The following DSC3 variants were observed in gnomAD, a reference collection of about 807,000 sequenced individuals.
DSC3 encodes the protein desmocollin 3, also known as desmocollin-3.
Under a neutral mutation model 89.5 loss-of-function variants are expected in DSC3, and 97 were observed. The ratio of observed to expected loss-of-function variants is 1.08; its 90% CI spans 0.92 to 1.28. The LOEUF is 1.28. Among genes scored for constraint, DSC3 ranks in the 50% most tolerant of loss-of-function variants. The pLI is 0.00. For missense variants in DSC3, 1,199 were observed against 1,085.3 expected (o/e 1.10, Z -1.47); for synonymous variants, 436 against 384.1 (o/e 1.14, Z -1.58).
At chr18:31,006,498 C>T (rs577911351) in intron 12 of DSC3, among the ~76,000 whole-genome samples, 186 of 152,120 alleles carry the variant, frequency 1.2e-3, no homozygotes, top group African/African-American at 4.2e-3. Flanking sequence ...TGGGGTTTCA[C>T]CATGTTGGCC....
At chr18:31,016,975 G>T (rs927440694) in intron 9 of DSC3, among the ~76,000 whole-genome samples, 1 of 152,074 alleles carries the variant, frequency 6.6e-6, no homozygotes, top group Non-Finnish European at 1.5e-5. Flanking sequence ...TCTTTGTCTT[G>T]CATTCTACTT....
In DSC3 at chr18:30,992,663, C is replaced by T. The variant is rs1490848185; in HGVS notation, c.*1512G>A. ...TGACTGTACAAATAACCTACTTGGG[C>T]TGCTTTCTCCCAAAGTTCCCTCTGT... is the stretch of plus-strand genomic sequence containing the variant. On this transcript the variant is annotated 3_prime_UTR_variant, in exon 16 of 16. Transcript: ENST00000360428. 1 of 152,302 alleles carries T rather than the reference C, an allele frequency of 6.6e-6. No homozygotes were observed. Among genetic ancestry groups the T allele is most frequent in the Non-Finnish European group, 1.5e-5 (1 of 68,072 alleles). 9.4% of individuals were successfully genotyped at this position (152,302 alleles called of 1,614,324 possible). A position where few individuals can be genotyped will look rare whatever the true frequency, so the allele number is the denominator to read the frequency against.
chr18:31,017,066 T>A (rs1985259982), intron 9 of DSC3, among the ~76,000 whole-genome samples: 1 of 152,218 alleles, frequency 6.6e-6, no homozygotes. Context: ...TTATTTCCTT[T>A]CCTATTACTC....
chr18:30,997,622 G>A (rs1984521021), intron 14 of DSC3, among the ~76,000 whole-genome samples: 1 of 151,992 alleles, frequency 6.6e-6, no homozygotes, highest in African/African-American at 2.4e-5. Context: ...AAAGCCTAGG[G>A]ATATAAAGAT....
intron 1 of DSC3, among the ~76,000 whole-genome samples, chr18:31,038,458 G>A (rs1020259699): frequency 6.6e-6 from 1 of 152,028 alleles, no homozygotes; most frequent in Non-Finnish European, 1.5e-5. Flanking sequence ...TGTCTGTTTT[G>A]TCTGTATTTT....
At chr18:31,005,818 C>A (rs66811121) in intron 12 of DSC3, among the ~76,000 whole-genome samples, 18,951 of 152,074 alleles carry the variant, frequency 0.12, 1,412 homozygotes, top group African/African-American at 0.21. Context: ...GGTCATGGTG[C>A]CACTCCTTCC....
intron 14 of DSC3, among the ~76,000 whole-genome samples, chr18:30,998,161 A>T (rs1429750405): frequency 6.6e-6 from 1 of 152,194 alleles, no homozygotes; most frequent in Non-Finnish European, 1.5e-5. Context: ...TGGAGATCAG[A>T]TGGGGGTCAC....
intron 9 of DSC3, among the ~76,000 whole-genome samples, chr18:31,012,256 T>C (rs1323789836): frequency 6.6e-6 from 1 of 151,984 alleles, no homozygotes; most frequent in Non-Finnish European, 1.5e-5. Context: ...AAAATATAAT[T>C]TAAAAAGTAA....
intron 4 of DSC3, among the ~76,000 whole-genome samples, chr18:31,028,544 C>T (rs1315455571): frequency 6.6e-6 from 1 of 151,954 alleles, no homozygotes; most frequent in African/African-American, 2.4e-5. Flanking sequence ...GGAGAATAAA[C>T]AAATGTCTAG....
chr18:31,023,054 T>A (rs1985477062), intron 6 of DSC3, among the ~76,000 whole-genome samples: 2 of 152,170 alleles, frequency 1.3e-5, no homozygotes, highest in Admixed American at 6.5e-5. Flanking sequence ...AACCTACTGA[T>A]AAAATGTGCT....
At chr18:31,012,707 GA>G (rs980865240) in intron 9 of DSC3, among the ~76,000 whole-genome samples, 7 of 151,884 alleles carry the variant, frequency 4.6e-5, no homozygotes, top group East Asian at 3.9e-4. Flanking sequence ...TTCAGAGATG[GA>G]AAAAAAGAAG....
intron 9 of DSC3, among the ~76,000 whole-genome samples, chr18:31,011,810 C>T (rs1179320937): frequency 3.3e-5 from 5 of 151,462 alleles, no homozygotes; most frequent in Admixed American, 6.6e-5. Context: ...CTGGGCAACA[C>T]GGTGAAACCC....
At chr18:31,012,993 A>G (rs181228080) in intron 9 of DSC3, among the ~76,000 whole-genome samples, 1 of 152,306 alleles carries the variant, frequency 6.6e-6, no homozygotes, top group Admixed American at 6.5e-5. Context: ...TTGAAAGTTC[A>G]CATGGAAGAA....
In DSC3 at chr18:31,007,129, C is replaced by CAT; in HGVS notation, c.1664_1665dup (p.Asp556MetfsTer11). ...GCAAGTGTTCCAGTACATGATCTAT[C>CAT]ATCTAAGGAGACAGGAATAAGGTTT... is the stretch of plus-strand genomic sequence containing the variant. On this transcript the variant is annotated frameshift_variant and splice_region_variant, in exon 12 of 16. Coordinates refer to ENST00000360428, the MANE Select transcript of DSC3 (RefSeq NM_001941.5). LOFTEE classifies it high-confidence loss of function. 1 of 1,607,746 alleles carries CAT rather than the reference C, an allele frequency of 6.2e-7. No homozygotes were observed. The highest frequency in any genetic ancestry group is 8.5e-7 in the Non-Finnish European group (1 of 1,174,450).
chr18:31,037,954 CT>C (rs1260958388), intron 1 of DSC3, among the ~76,000 whole-genome samples: 1 of 151,346 alleles, frequency 6.6e-6, no homozygotes, highest in Non-Finnish European at 1.5e-5. Context: ...TCTATGAATT[CT>C]TTTGAAATGA....
At chr18:31,024,153 T>C (rs1475735811) in intron 6 of DSC3, among the ~76,000 whole-genome samples, 196 bp downstream of exon 6, 1 of 152,110 alleles carries the variant, frequency 6.6e-6, no homozygotes, top group Non-Finnish European at 1.5e-5. Flanking sequence ...ATATTGACAA[T>C]GACAGAAACT....
chr18:31,012,386 C>A (rs561577809), intron 9 of DSC3, among the ~76,000 whole-genome samples: 64 of 152,256 alleles, frequency 4.2e-4, no homozygotes, highest in African/African-American at 1.4e-3. Context: ...ATAAGAGAAG[C>A]AAGGATACCA....
intron 9 of DSC3, among the ~76,000 whole-genome samples, chr18:31,011,735 G>A (rs1314716122): frequency 1.3e-5 from 2 of 151,974 alleles, no homozygotes; most frequent in Admixed American, 6.6e-5. Flanking sequence ...GCTCACGTCT[G>A]TAATCCTAGC....
intron 2 of DSC3, 39 bp from the exon 3 acceptor site, chr18:31,031,211 ATG>A: frequency 7.2e-7 from 1 of 1,389,966 alleles, no homozygotes; most frequent in African/African-American, 1.5e-5. Flanking sequence ...GTAAAAACAC[ATG>A]AGAAAAAAAA....
Sources: allele counts gnomAD v4.1 joint callset (sites outside exome capture counted in the v4.1 genomes callset), GRCh38; gene constraint gnomAD v4.1.1; transcripts MANE v1.5; gene names NCBI Gene and HGNC (gene_info 2026-07-23, HGNC 2026-07-21).